Variants in FAM168A observed in about 807,000 individuals in gnomAD.
FAM168A encodes the protein protein FAM168A.
In FAM168A, 3 loss-of-function variants were observed where a neutral mutation model predicts 28.5. The ratio of observed to expected loss-of-function variants is 0.11; its 90% CI spans 0.05 to 0.27. The LOEUF (loss-of-function observed/expected upper bound fraction) is 0.27. Among genes scored for constraint, FAM168A ranks in the 10% least tolerant of loss-of-function variants. The pLI is 1.00. For synonymous variants in FAM168A, 122 were observed against 124.2 expected, an observed-to-expected ratio of 0.98 and a Z score of 0.12; for missense variants, 222 against 311.5, an observed-to-expected ratio of 0.71 and a Z score of 2.16.
intron 1 of FAM168A, among the ~76,000 whole-genome samples, chr11:73,472,410 A>C (rs976039255): frequency 6.6e-6 from 1 of 152,210 alleles, no homozygotes; most frequent in Admixed American, 6.5e-5. Context: ...AAGTGGAGTA[A>C]ATGAAGGGGA....
chr11:73,576,939 T>A, intron 1 of FAM168A, among the ~76,000 whole-genome samples: 1 of 145,676 alleles, frequency 6.9e-6, no homozygotes. Flanking sequence ...AAAGCATAGG[T>A]GCCTCCCATT....
chr11:73,535,568 C>T (rs1467522493), intron 1 of FAM168A, among the ~76,000 whole-genome samples: 3 of 151,182 alleles, frequency 2.0e-5, no homozygotes, highest in South Asian at 2.1e-4. Flanking sequence ...TACAGGTGCC[C>T]GCCACCACAC....
intron 1 of FAM168A, among the ~76,000 whole-genome samples, chr11:73,584,597 C>T (rs955194174): frequency 8.6e-5 from 13 of 152,020 alleles, no homozygotes; most frequent in East Asian, 3.9e-4. Context: ...CCTCAGCCTC[C>T]GGAATAGCCG....
chr11:73,563,025 C>T (rs891598173), intron 1 of FAM168A, among the ~76,000 whole-genome samples: 2 of 152,160 alleles, frequency 1.3e-5, no homozygotes, highest in Non-Finnish European at 2.9e-5. Context: ...AATGCTACTA[C>T]TCTCTGTATC....
intron 2 of FAM168A, among the ~76,000 whole-genome samples, chr11:73,455,196 G>A (rs1476836397): frequency 6.6e-6 from 1 of 152,318 alleles, no homozygotes; most frequent in South Asian, 2.1e-4. Flanking sequence ...AAAGTGGCCG[G>A]CTGGATCCTG....
intron 4 of FAM168A, among the ~76,000 whole-genome samples, chr11:73,414,484 A>C (rs892665211): frequency 2.0e-5 from 3 of 152,286 alleles, no homozygotes; most frequent in South Asian, 4.1e-4. Flanking sequence ...CTGTTTCTGA[A>C]AGCTCTGTAG....
At chr11:73,526,112 T>C (rs1943443116) in intron 1 of FAM168A, among the ~76,000 whole-genome samples, 1 of 152,174 alleles carries the variant, frequency 6.6e-6, no homozygotes, top group East Asian at 1.9e-4. Flanking sequence ...ATTTGCACCA[T>C]GTATATCAAA....
At chr11:73,574,239 T>C (rs1381235390) in intron 1 of FAM168A, among the ~76,000 whole-genome samples, 1 of 152,238 alleles carries the variant, frequency 6.6e-6, no homozygotes, top group Admixed American at 6.5e-5. Context: ...ACATTCATTA[T>C]CTCATTTGAT....
intron 1 of FAM168A, among the ~76,000 whole-genome samples, chr11:73,523,222 T>G (rs1278112191): frequency 6.6e-6 from 1 of 152,164 alleles, no homozygotes; most frequent in South Asian, 2.1e-4. Flanking sequence ...CTAAAAACCT[T>G]TGGTCCCCTA....
At chr11:73,505,529 T>C (rs1470109691) in intron 1 of FAM168A, among the ~76,000 whole-genome samples, 1 of 152,040 alleles carries the variant, frequency 6.6e-6, no homozygotes, top group Non-Finnish European at 1.5e-5. Flanking sequence ...AGGAACACAA[T>C]TAGCAAATAG....
intron 1 of FAM168A, among the ~76,000 whole-genome samples, chr11:73,585,349 C>T (rs1035011262): frequency 2.0e-5 from 3 of 152,284 alleles, no homozygotes; most frequent in South Asian, 4.1e-4. Flanking sequence ...GAATTATGTA[C>T]TATTATTACT....
chr11:73,520,735 C>T (rs1222606944), intron 1 of FAM168A, among the ~76,000 whole-genome samples: 1 of 151,980 alleles, frequency 6.6e-6, no homozygotes, highest in Non-Finnish European at 1.5e-5. Flanking sequence ...GAAACTCAGC[C>T]CCTTTATATA....
intron 1 of FAM168A, among the ~76,000 whole-genome samples, chr11:73,571,966 C>T (rs1276935217): frequency 2.0e-5 from 3 of 149,356 alleles, no homozygotes; most frequent in African/African-American, 4.9e-5. Flanking sequence ...AGGTGAGGAG[C>T]GTCTCTGCCC....
intron 2 of FAM168A, among the ~76,000 whole-genome samples, chr11:73,451,057 G>A (rs879829509): frequency 3.3e-5 from 5 of 152,158 alleles, no homozygotes; most frequent in Non-Finnish European, 5.9e-5. Context: ...TATATTAGGG[G>A]TTGGGAAGAC....
chr11:73,471,897 A>T (rs557987461), intron 1 of FAM168A, among the ~76,000 whole-genome samples: 2 of 152,320 alleles, frequency 1.3e-5, no homozygotes, highest in East Asian at 3.9e-4. Flanking sequence ...GCCATGGACC[A>T]GCACCAGTCC....
chr11:73,556,212 G>A (rs1340635795), intron 1 of FAM168A, among the ~76,000 whole-genome samples: 2 of 151,970 alleles, frequency 1.3e-5, no homozygotes, highest in Non-Finnish European at 2.9e-5. Context: ...AGCCAAGTGT[G>A]GTGATACATG....
chr11:73,523,634 C>T (rs1451408098), intron 1 of FAM168A, among the ~76,000 whole-genome samples: 3 of 152,018 alleles, frequency 2.0e-5, no homozygotes, highest in African/African-American at 4.8e-5. Flanking sequence ...TTTGTAGGGA[C>T]GGGGTTTCGC....
intron 1 of FAM168A, among the ~76,000 whole-genome samples, chr11:73,491,459 A>C (rs759103016): frequency 1.6e-4 from 24 of 152,264 alleles, no homozygotes; most frequent in Non-Finnish European, 3.1e-4. Context: ...AGCACAGAGA[A>C]GACTCCCATA....
At chr11:73,496,872 A>ATC (rs1288326755) in intron 1 of FAM168A, among the ~76,000 whole-genome samples, 226 of 117,546 alleles carry the variant, frequency 1.9e-3, no homozygotes, top group African/African-American at 0.011. Flanking sequence ...GTATGTTCTT[A>ATC]TCACACACAC....
Sources: gnomAD v4.1 joint callset for allele counts (sites outside exome capture counted in the v4.1 genomes callset) on GRCh38, gnomAD v4.1.1 for gene constraint, MANE v1.5 for transcripts, NCBI Gene and HGNC (gene_info 2026-07-23, HGNC 2026-07-21) for gene names.